ARHGAP35: variants seen among roughly 807,000 people sequenced by gnomAD.
The protein encoded by ARHGAP35 is Rho GTPase activating protein 35, also known as rho GTPase-activating protein 35.
Under a neutral mutation model 111.1 loss-of-function variants are expected in ARHGAP35, and 15 were observed. The ratio of observed to expected loss-of-function variants is 0.13; its 90% CI spans 0.09 to 0.21. ARHGAP35 has a LOEUF of 0.21. Ranked by LOEUF, ARHGAP35 falls within the 10% of genes least tolerant of loss-of-function variation. The pLI is 1.00. For missense variants in ARHGAP35, 1,262 were observed against 1,873.0 expected (o/e 0.67, Z 6.02); for synonymous variants, 643 against 710.3 (o/e 0.91, Z 1.51).
chr19:46,996,020 A>C (rs1276407227), intron 5 of ARHGAP35, among the ~76,000 whole-genome samples: 1 of 152,174 alleles, frequency 6.6e-6, no homozygotes, highest in Admixed American at 6.5e-5. Flanking sequence ...GCAGGCGAGG[A>C]GACTGGCCAC....
In ARHGAP35 at chr19:47,000,444, G is replaced by A. The variant is rs1160572520; in HGVS notation, c.4256G>A (p.Arg1419His). 3.1e-6 allele frequency: 5 copies of A among 1,613,582 alleles called. No homozygotes were observed. The highest frequency in any genetic ancestry group is 1.6e-4 in the Middle Eastern group (1 of 6,084). The change falls in exon 7 of 7, where the codon CGC becomes CAC. Residue 1419 changes from arginine to histidine, a missense_variant. This residue lies in a region of ARHGAP35 where 23 missense variants were observed against 63.9 expected (regional missense o/e 0.36). Coordinates refer to ENST00000672722, the MANE Select transcript of ARHGAP35 (RefSeq NM_004491.5). The surrounding 1 kb of genome is among the most constrained non-coding windows in gnomAD (Gnocchi z 6.9). ...ACTATGGACGCCCTCACAGCCACGC[G>A]CACCTACCAGACAATCATTGAACTC... The part of the protein sequence containing the change: ...FSTMDALTAT[R>H]TYQTIIELFI...
intron 3 of ARHGAP35, chr19:46,947,866 A>C (rs1163934678): frequency 6.6e-6 from 1 of 152,222 alleles, no homozygotes; most frequent in Non-Finnish European, 1.5e-5. Context: ...TTAGGGAAAC[A>C]CTTGCTTATA....
intron 3 of ARHGAP35, among the ~76,000 whole-genome samples, chr19:46,940,359 CAAA>C (rs529022109): frequency 1.4e-4 from 16 of 114,034 alleles, no homozygotes; most frequent in Non-Finnish European, 9.0e-5. Flanking sequence ...AACTGTGTCT[CAAA>C]AAAAAAAAAA....
rs564350801 is a variant in ARHGAP35, at chr19:46,880,425, C to T, written c.-189+19216C>T. Among the ~76,000 whole-genome samples the T allele has an allele frequency of 1.1e-4, 17 of 151,850 alleles. No homozygotes were observed. The South Asian group carries it at 3.5e-3, about 32-fold the overall frequency. Reference sequence around the variant, plus strand: ...CCAGCCTGGGCAACGAGTGAAACTCCGTCTCAAAAAAAAAGAAGCAATTCC... The same window carrying T: ...CCAGCCTGGGCAACGAGTGAAACTCTGTCTCAAAAAAAAAGAAGCAATTCC... On this transcript the variant is annotated intron_variant, in intron 1 of 6. Coordinates refer to ENST00000672722, the MANE Select transcript of ARHGAP35 (RefSeq NM_004491.5).
rs1340573614 is a variant in ARHGAP35, at chr19:46,994,678, C to T, written c.4037-4626C>T. 2.0e-5 allele frequency among the ~76,000 whole-genome samples: 3 copies of T among 152,186 alleles called. No homozygotes were observed. The highest frequency in any genetic ancestry group is 4.4e-5 in the Non-Finnish European group (3 of 68,020). On this transcript the variant is annotated intron_variant, in intron 5 of 6. Transcript: ENST00000672722. The surrounding 1 kb of genome is among the most constrained non-coding windows in gnomAD (Gnocchi z 5.4). ...CCAGAGCTCCTAGACTAGAGAGGCA[C>T]CCACTGGGTCCTTTCCCCTCTTTCC...
intron 1 of ARHGAP35, among the ~76,000 whole-genome samples, chr19:46,907,388 G>A (rs2056114569): frequency 6.6e-6 from 1 of 152,052 alleles, no homozygotes; most frequent in African/African-American, 2.4e-5. Context: ...CTGACCTCGT[G>A]ATCCGCCCGC....
At chr19:46,898,136 G>A (rs2056066415) in intron 1 of ARHGAP35, among the ~76,000 whole-genome samples, 1 of 151,978 alleles carries the variant, frequency 6.6e-6, no homozygotes. Context: ...CAGCTACTTG[G>A]GAGGCTGAGC....
rs188290641 is a variant in ARHGAP35, at chr19:46,894,677, C to G, written c.-188-23811C>G. 3.1e-3 allele frequency among the ~76,000 whole-genome samples: 476 copies of G among 152,186 alleles called. 2 individuals carry two copies. The highest frequency in any genetic ancestry group is 0.011 in the African/African-American group (449 of 41,528). On this transcript the variant is annotated intron_variant, in intron 1 of 6. Transcript: ENST00000672722. Reference sequence around the variant, plus strand: ...ACCAGGCTGGTCTAGAACTCCTGACCTCAGGTGATCTGCCCGCCTCAGCCT... The same window carrying G: ...ACCAGGCTGGTCTAGAACTCCTGACGTCAGGTGATCTGCCCGCCTCAGCCT...
intron 1 of ARHGAP35, among the ~76,000 whole-genome samples, chr19:46,861,661 C>G (rs2055828654): frequency 6.6e-6 from 1 of 152,032 alleles, no homozygotes; most frequent in Non-Finnish European, 1.5e-5. Context: ...TTGTGGCTCC[C>G]ACTTTTGAGA....
chr19:46,965,702 C>G (rs934542307), intron 3 of ARHGAP35, among the ~76,000 whole-genome samples: 1 of 152,152 alleles, frequency 6.6e-6, no homozygotes, highest in Non-Finnish European at 1.5e-5. Context: ...CCAGGCTGAT[C>G]TCCAACTCCT....
chr19:46,867,696 CT>C (rs1306139142), intron 1 of ARHGAP35, among the ~76,000 whole-genome samples: 1 of 152,030 alleles, frequency 6.6e-6, no homozygotes, highest in Admixed American at 6.6e-5. Flanking sequence ...GCAAAAATAC[CT>C]TGTACTTGGT....
In ARHGAP35 at chr19:46,901,485, G is replaced by C. The variant is rs2056083366; in HGVS notation, c.-188-17003G>C. Among the ~76,000 whole-genome samples the C allele has an allele frequency of 6.6e-6, 1 of 152,180 alleles. No individual in the cohort carries two copies. The highest frequency in any genetic ancestry group is 2.1e-4 in the South Asian group (1 of 4,820). ...GAGCAGGAGAATCACTTGAACCCGG[G>C]AGGCAGAGGTTGCAGTGAGCCGAGA... On this transcript the variant is annotated intron_variant, in intron 1 of 6. Coordinates refer to ENST00000672722, the MANE Select transcript of ARHGAP35 (RefSeq NM_004491.5). This position sits in a 1 kb window ranked among gnomAD's most constrained non-coding sequence, Gnocchi z 4.5.
At position 46,889,030 on chromosome 19, in the gene ARHGAP35, G is replaced by C. The variant is rs2056010395; in HGVS notation, c.-189+27821G>C. ...AAAACAAAGCAAAACAAAAAACCCT[G>C]TTCTTGGACTGGGCATGGTGGCTCA... is the stretch of plus-strand genomic sequence containing the variant. On this transcript the variant is annotated intron_variant, in intron 1 of 6. Transcript: ENST00000672722. 1.3e-5 allele frequency among the ~76,000 whole-genome samples: 2 copies of C among 151,522 alleles called. 1 individual carries two copies. The highest frequency in any genetic ancestry group is 4.2e-4 in the South Asian group (2 of 4,800).
chr19:46,923,274 T>A (rs913256610), intron 2 of ARHGAP35, among the ~76,000 whole-genome samples: 1 of 152,074 alleles, frequency 6.6e-6, no homozygotes, highest in African/African-American at 2.4e-5. Flanking sequence ...CCAGCTAATT[T>A]TTTTATTTTA....
At position 46,945,421 on chromosome 19, in the gene ARHGAP35, G is replaced by T. The variant is rs2056373758; in HGVS notation, c.3826+8013G>T. ...ATTCAGTGTACCTCTCTGGAATGGG[G>T]CAAGAGGTTACTTTTAGAGCTGGCT... On this transcript the variant is annotated intron_variant, in intron 3 of 6. Coordinates refer to ENST00000672722, the MANE Select transcript of ARHGAP35 (RefSeq NM_004491.5). This position sits in a 1 kb window ranked among gnomAD's most constrained non-coding sequence, Gnocchi z 4.1. Among the ~76,000 whole-genome samples the T allele has an allele frequency of 6.6e-6, 1 of 152,112 alleles. No individual in the cohort carries two copies. Among genetic ancestry groups the T allele is most frequent in the Non-Finnish European group, 1.5e-5 (1 of 68,016 alleles).
At chr19:46,981,381 C>G (rs1188090311) in intron 3 of ARHGAP35, among the ~76,000 whole-genome samples, 1 of 152,168 alleles carries the variant, frequency 6.6e-6, no homozygotes, top group Non-Finnish European at 1.5e-5. Context: ...TGCTGAGTTT[C>G]TATATCTAAA....
At chr19:46,944,685 A>T (rs1426153632) in intron 3 of ARHGAP35, among the ~76,000 whole-genome samples, 1 of 152,152 alleles carries the variant, frequency 6.6e-6, no homozygotes, top group Non-Finnish European at 1.5e-5. Flanking sequence ...GTTTCCTGTG[A>T]CTGGCATCTC....
chr19:46,946,659 C>G (rs1453040789), intron 3 of ARHGAP35: 4 of 152,520 alleles, frequency 2.6e-5, no homozygotes, highest in African/African-American at 9.7e-5. Flanking sequence ...CCTCAGCCTC[C>G]CAAGTAGCTG....
chr19:46,931,977 G>A (rs748263581), intron 2 of ARHGAP35, among the ~76,000 whole-genome samples: 3 of 152,174 alleles, frequency 2.0e-5, no homozygotes, highest in Non-Finnish European at 2.9e-5. Flanking sequence ...TTTTGACCCA[G>A]TTGGACTCTA....
Sources: gnomAD v4.1 joint callset for allele counts (sites outside exome capture counted in the v4.1 genomes callset) on GRCh38, gnomAD v4.1.1 for gene constraint, gnomAD v4.1.1 regional missense constraint, Gnocchi (gnomAD v3.1) non-coding constraint, MANE v1.5 for transcripts, NCBI Gene and HGNC (gene_info 2026-07-23, HGNC 2026-07-21) for gene names.